Variants in ADAMTS6 observed in about 807,000 individuals in gnomAD.
The protein encoded by ADAMTS6 is ADAM metallopeptidase with thrombospondin type 1 motif 6.
ADAMTS6 carries 23 observed loss-of-function variants against 144.3 expected under a neutral mutation model. The observed-to-expected ratio is 0.16, with a 90% confidence interval of 0.11 to 0.23. The LOEUF is 0.23. Among genes scored for constraint, ADAMTS6 ranks in the 10% least tolerant of loss-of-function variants. The probability of loss-of-function intolerance (pLI) is 1.00; values close to 1 mark genes in which losing one functional copy is unlikely to be tolerated. For missense variants in ADAMTS6, 999 were observed against 1,379.6 expected, an observed-to-expected ratio of 0.72 and a Z score of 4.37; for synonymous variants, 444 against 457.5, an observed-to-expected ratio of 0.97 and a Z score of 0.38.
intron 7 of ADAMTS6, among the ~76,000 whole-genome samples, chr5:65,440,386 C>G (rs902931689): frequency 1.3e-5 from 2 of 152,130 alleles, no homozygotes; most frequent in African/African-American, 4.8e-5. Context: ...CAAAGTGAGC[C>G]CTAAGATTGC....
intron 7 of ADAMTS6, among the ~76,000 whole-genome samples, chr5:65,395,036 T>C (rs1346763542): frequency 6.6e-6 from 1 of 152,034 alleles, no homozygotes; most frequent in African/African-American, 2.4e-5. Flanking sequence ...AAAAAGTATT[T>C]AATTCAAGCA....
intron 7 of ADAMTS6, among the ~76,000 whole-genome samples, chr5:65,397,608 G>A (rs1362571823): frequency 1.3e-5 from 2 of 151,994 alleles, no homozygotes; most frequent in Non-Finnish European, 2.9e-5. Flanking sequence ...CAGGTGTGGT[G>A]GCTCACACCT....
In ADAMTS6 at chr5:65,384,039, C is replaced by T. The variant is rs114143124; in HGVS notation, c.1074-49954G>A. Among the ~76,000 whole-genome samples the T allele has an allele frequency of 7.5e-3, 1,150 of 152,318 alleles. 8 individuals are homozygous for T. The highest frequency in any genetic ancestry group is 0.011 in the Non-Finnish European group (739 of 68,020). ...AGTAGAGCCTTAAAACGTTCCACCA[C>T]CAAGGCCCTGGCGTTCTGACCCTGT... On this transcript the variant is annotated intron_variant, in intron 7 of 24. Transcript: ENST00000381055.
intron 14 of ADAMTS6, among the ~76,000 whole-genome samples, chr5:65,244,294 A>G (rs1318490843): frequency 6.6e-6 from 1 of 152,110 alleles, no homozygotes; most frequent in Non-Finnish European, 1.5e-5. Context: ...CATAAGAGGA[A>G]ATGATATTTC....
intron 24 of ADAMTS6, among the ~76,000 whole-genome samples, chr5:65,156,378 A>C (rs1559256): frequency 0.73 from 111,508 of 151,732 alleles, 41,640 homozygotes; most frequent in African/African-American, 0.85. Flanking sequence ...CCAAAAAAAA[A>C]CCACCACCAC....
At chr5:65,367,976 T>C (rs1434275770) in intron 7 of ADAMTS6, among the ~76,000 whole-genome samples, 1 of 152,070 alleles carries the variant, frequency 6.6e-6, no homozygotes. Flanking sequence ...AAAAAAATTA[T>C]CTTTTTTAAT....
intron 20 of ADAMTS6, among the ~76,000 whole-genome samples, chr5:65,199,299 T>C (rs151101636): frequency 1.1e-3 from 173 of 152,308 alleles, no homozygotes; most frequent in South Asian, 6.2e-3. Context: ...CCTTGACTTG[T>C]AGAAACTGAA....
chr5:65,214,492 A>C lies in ADAMTS6; in HGVS notation c.2575+302T>G. ...TTTTTTAAAACTTTTGATGTTCTTT[A>C]CCAAGAATGTGTTCACGAAAGGCAA... On this transcript the variant is annotated intron_variant, in intron 20 of 24. Coordinates refer to ENST00000381055, the MANE Select transcript of ADAMTS6 (RefSeq NM_197941.4). This position sits in a 1 kb window ranked among gnomAD's most constrained non-coding sequence, Gnocchi z 4.6. 2.3e-6 allele frequency: 1 copy of C among 433,462 alleles called. No homozygotes were observed. The highest frequency in any genetic ancestry group is 4.3e-6 in the Non-Finnish European group (1 of 233,526). The allele number at this position is 433,462 out of a possible 1,614,324, so 26.9% of individuals were successfully genotyped here. A position where few individuals can be genotyped will look rare whatever the true frequency, so the allele number is the denominator to read the frequency against.
chr5:65,405,216 T>C (rs1275111526), intron 7 of ADAMTS6, among the ~76,000 whole-genome samples: 2 of 152,242 alleles, frequency 1.3e-5, no homozygotes, highest in African/African-American at 4.8e-5. Context: ...ATGAAGTCCT[T>C]GCCTATGCCT....
chr5:65,468,664 T>C (rs114010906), intron 3 of ADAMTS6, among the ~76,000 whole-genome samples: 68 of 152,232 alleles, frequency 4.5e-4, no homozygotes, highest in African/African-American at 1.6e-3. Flanking sequence ...AAATAGGTGT[T>C]AACAGAGGGA....
intron 7 of ADAMTS6, among the ~76,000 whole-genome samples, chr5:65,399,962 T>C (rs1753778691): frequency 6.6e-6 from 1 of 152,198 alleles, no homozygotes; most frequent in Admixed American, 6.5e-5. Flanking sequence ...AATTTCCCAG[T>C]TTTTGTTCAT....
At chr5:65,370,946 C>T (rs1306557280) in intron 7 of ADAMTS6, among the ~76,000 whole-genome samples, 1 of 152,202 alleles carries the variant, frequency 6.6e-6, no homozygotes, top group Non-Finnish European at 1.5e-5. Context: ...CAGACTGCCT[C>T]CTCAAGTTGG....
chr5:65,149,849 C>T lies in ADAMTS6; in HGVS notation c.*1987G>A, dbSNP rs534521812. The T allele has an allele frequency of 1.2e-4, 19 of 152,748 alleles. No individual in the cohort carries two copies. The highest frequency in any genetic ancestry group is 3.4e-4 in the African/African-American group (14 of 41,564). 9.5% of individuals were successfully genotyped at this position (152,748 alleles called of 1,614,324 possible). ...TTTGCCCTTCACTGAATGGCTAAGA[C>T]GGCACTTGGGCTGGTCTTCTAAGGG... is the stretch of plus-strand genomic sequence containing the variant. On this transcript the variant is annotated 3_prime_UTR_variant, in exon 25 of 25. Coordinates refer to ENST00000381055, the MANE Select transcript of ADAMTS6 (RefSeq NM_197941.4).
At chr5:65,409,089 A>T (rs1754825541) in intron 7 of ADAMTS6, among the ~76,000 whole-genome samples, 1 of 152,216 alleles carries the variant, frequency 6.6e-6, no homozygotes, top group Admixed American at 6.5e-5. Context: ...GATTAAAAGA[A>T]CTAGAGAAGC....
At chr5:65,176,647 G>A (rs1472699775) in intron 22 of ADAMTS6, among the ~76,000 whole-genome samples, 1 of 151,976 alleles carries the variant, frequency 6.6e-6, no homozygotes, top group African/African-American at 2.4e-5. Context: ...GATTATAAAA[G>A]GTTAAAAAGA....
intron 15 of ADAMTS6, among the ~76,000 whole-genome samples, chr5:65,233,286 G>A (rs1758400699): frequency 1.3e-5 from 2 of 152,080 alleles, no homozygotes; most frequent in African/African-American, 2.4e-5. Context: ...ACAAGGTAAC[G>A]ATGCCCATTC....
chr5:65,299,415 T>C (rs139160960), intron 10 of ADAMTS6, among the ~76,000 whole-genome samples: 33 of 152,326 alleles, frequency 2.2e-4, no homozygotes, highest in African/African-American at 7.2e-4. Context: ...TAGTTATACC[T>C]GAGCTAATTT....
intron 20 of ADAMTS6, among the ~76,000 whole-genome samples, chr5:65,200,054 G>A (rs1755634435): frequency 6.6e-6 from 1 of 152,116 alleles, no homozygotes; most frequent in African/African-American, 2.4e-5. Context: ...CTTCTAGAAT[G>A]TTATATTAGA....
intron 7 of ADAMTS6, among the ~76,000 whole-genome samples, chr5:65,388,782 G>C (rs926268857): frequency 2.0e-5 from 3 of 152,172 alleles, no homozygotes; most frequent in Non-Finnish European, 4.4e-5. Flanking sequence ...TTTGGCATTT[G>C]TGTTCTGGGT....
Sources: allele counts gnomAD v4.1 joint callset (sites outside exome capture counted in the v4.1 genomes callset), GRCh38; gene constraint gnomAD v4.1.1; non-coding constraint Gnocchi (gnomAD v3.1); transcripts MANE v1.5; gene names NCBI Gene and HGNC (gene_info 2026-07-23, HGNC 2026-07-21).